The following ROBO1 variants were observed in gnomAD, a reference collection of about 807,000 sequenced individuals.
The protein encoded by ROBO1 is roundabout guidance receptor 1.
In ROBO1, 149 loss-of-function variants were observed where a neutral mutation model predicts 195.9. The observed-to-expected ratio is 0.76, with a 90% CI of 0.67 to 0.87. ROBO1 has a LOEUF of 0.87. Ranked by LOEUF, ROBO1 falls within the 40% of genes least tolerant of loss-of-function variation. ROBO1 has a pLI of 0.00. For synonymous variants in ROBO1, 816 were observed against 733.2 expected (o/e 1.11, Z -1.82); for missense variants, 1,933 against 2,068.3 (o/e 0.93, Z 1.27).
At chr3:78,913,231 T>C (rs963985923) in intron 4 of ROBO1, among the ~76,000 whole-genome samples, 2 of 152,046 alleles carry the variant, frequency 1.3e-5, no homozygotes, top group Admixed American at 6.6e-5. Flanking sequence ...ATGTCACCAA[T>C]AGTATGTAGA....
intron 1 of ROBO1, among the ~76,000 whole-genome samples, chr3:79,686,851 GA>G (rs2107032262): frequency 6.6e-6 from 1 of 152,198 alleles, no homozygotes; most frequent in Non-Finnish European, 1.5e-5. Flanking sequence ...TTTCTTCACA[GA>G]ATTGGAAAAA....
intron 3 of ROBO1, among the ~76,000 whole-genome samples, chr3:79,090,519 T>C (rs561187789): frequency 7.0e-6 from 1 of 142,316 alleles, no homozygotes; most frequent in East Asian, 2.5e-4. Flanking sequence ...ATGTAAGAAC[T>C]GTGACAGAAA....
At chr3:79,019,856 AT>A (rs563418208) in intron 3 of ROBO1, among the ~76,000 whole-genome samples, 1 of 151,736 alleles carries the variant, frequency 6.6e-6, no homozygotes. Flanking sequence ...CCCCATTCCC[AT>A]TTAAAAAAAA....
At position 79,098,344 on chromosome 3, in the gene ROBO1, G is replaced by A. The variant is rs111685127; in HGVS notation, c.172+27112C>T. ...TAGACAGTAGTCTTGTATTCTAGAA[G>A]GAATTTTAGGAGCAATATGTCCAAT... On this transcript the variant is annotated intron_variant, in intron 3 of 30. Transcript: ENST00000464233. 1.4e-3 allele frequency among the ~76,000 whole-genome samples: 219 copies of A among 151,874 alleles called. 2 individuals carry two copies. Among genetic ancestry groups the A allele is most frequent in the African/African-American group, 4.8e-3 (199 of 41,480 alleles).
intron 28 of ROBO1, among the ~76,000 whole-genome samples, chr3:78,612,054 C>A (rs555101562): frequency 6.6e-6 from 1 of 152,156 alleles, no homozygotes; most frequent in Non-Finnish European, 1.5e-5. Flanking sequence ...GAAGGATCAT[C>A]GCAAATTACT....
At chr3:79,052,412 G>A (rs1559622908) in intron 3 of ROBO1, among the ~76,000 whole-genome samples, 1 of 152,000 alleles carries the variant, frequency 6.6e-6, no homozygotes, top group Non-Finnish European at 1.5e-5. Flanking sequence ...AGCAGGACAT[G>A]GACCTTCATC....
At chr3:79,091,271 G>T (rs1331534478) in intron 3 of ROBO1, among the ~76,000 whole-genome samples, 2 of 152,044 alleles carry the variant, frequency 1.3e-5, no homozygotes, top group African/African-American at 2.4e-5. Flanking sequence ...CTGTATGATG[G>T]GTGGATGAGA....
chr3:79,630,956 C>T (rs1278701257), intron 1 of ROBO1, among the ~76,000 whole-genome samples: 1 of 151,816 alleles, frequency 6.6e-6, no homozygotes, highest in Non-Finnish European at 1.5e-5. Flanking sequence ...CTATAAAACA[C>T]TGAGGAAAGA....
At chr3:79,401,694 A>C (rs2037373584) in intron 2 of ROBO1, among the ~76,000 whole-genome samples, 1 of 151,932 alleles carries the variant, frequency 6.6e-6, no homozygotes, top group Non-Finnish European at 1.5e-5. Context: ...TGTACTAACT[A>C]TGCTTCTTAA....
intron 2 of ROBO1, among the ~76,000 whole-genome samples, chr3:79,279,191 A>T (rs1255271638): frequency 6.7e-6 from 1 of 150,330 alleles, no homozygotes; most frequent in East Asian, 2.0e-4. Context: ...GCTGGAACCC[A>T]GGAAGCGGAG....
intron 3 of ROBO1, among the ~76,000 whole-genome samples, chr3:79,105,044 T>G (rs1384047782): frequency 6.6e-6 from 1 of 151,536 alleles, no homozygotes; most frequent in Non-Finnish European, 1.5e-5. Context: ...AAAACTGAAA[T>G]GTAAAAAGTC....
chr3:78,914,912 T>C (rs1247372501), intron 4 of ROBO1, among the ~76,000 whole-genome samples: 1 of 151,648 alleles, frequency 6.6e-6, no homozygotes, highest in Non-Finnish European at 1.5e-5. Flanking sequence ...ATATAATATA[T>C]GAATGTACTT....
chr3:79,759,119 T>C (rs559566017), intron 1 of ROBO1, among the ~76,000 whole-genome samples: 13 of 152,298 alleles, frequency 8.5e-5, no homozygotes, highest in African/African-American at 3.1e-4. Flanking sequence ...AAAGCATGCT[T>C]GTTTAGTATG....
chr3:78,726,175 T>G (rs979875333), intron 5 of ROBO1, among the ~76,000 whole-genome samples: 32 of 152,334 alleles, frequency 2.1e-4, no homozygotes, highest in African/African-American at 7.7e-4. Context: ...TTATCTCATT[T>G]CCTTTAATAT....
chr3:78,963,452 T>C (rs996709915), intron 3 of ROBO1, among the ~76,000 whole-genome samples: 1 of 148,922 alleles, frequency 6.7e-6, no homozygotes, highest in Non-Finnish European at 1.5e-5. Flanking sequence ...TATAAACATA[T>C]ATGCATTTTT....
chr3:78,665,512 T>C (rs1707680040), intron 14 of ROBO1, among the ~76,000 whole-genome samples: 1 of 152,224 alleles, frequency 6.6e-6, no homozygotes, highest in Non-Finnish European at 1.5e-5. Context: ...TGTTGAGTTA[T>C]ATTTAATTCT....
chr3:78,728,999 A>T (rs575924951), intron 5 of ROBO1, among the ~76,000 whole-genome samples: 1 of 152,238 alleles, frequency 6.6e-6, no homozygotes, highest in Non-Finnish European at 1.5e-5. Flanking sequence ...CTTATGCAGA[A>T]AAAGCAATTA....
chr3:79,546,142 T>TTAATAG (rs1184289440), intron 2 of ROBO1, among the ~76,000 whole-genome samples: 4 of 152,038 alleles, frequency 2.6e-5, no homozygotes, highest in African/African-American at 2.4e-5. Flanking sequence ...TACATTAATA[T>TTAATAG]TAATAGTAAT....
intron 4 of ROBO1, among the ~76,000 whole-genome samples, chr3:78,769,732 T>C (rs1435133924): frequency 1.3e-5 from 2 of 151,932 alleles, no homozygotes; most frequent in East Asian, 3.9e-4. Flanking sequence ...TGTTTCAAGA[T>C]TTAGAGCTCC....
Sources: allele counts gnomAD v4.1 joint callset (sites outside exome capture counted in the v4.1 genomes callset), GRCh38; gene constraint gnomAD v4.1.1; transcripts MANE v1.5; gene names NCBI Gene and HGNC (gene_info 2026-07-23, HGNC 2026-07-21).